FAM81A: variants seen among roughly 807,000 people sequenced by gnomAD.
FAM81A encodes family with sequence similarity 81 member A.
Under a neutral mutation model 46.7 loss-of-function variants are expected in FAM81A, and 19 were observed. The observed-to-expected ratio is 0.41, with a 90% CI of 0.28 to 0.60. FAM81A has a LOEUF of 0.60. Ranked by LOEUF, FAM81A falls within the 20% of genes least tolerant of loss-of-function variation. The probability of loss-of-function intolerance (pLI) is 0.34; values close to 1 mark genes in which losing one functional copy is unlikely to be tolerated. For missense variants in FAM81A, 377 were observed against 453.5 expected (o/e 0.83, Z 1.53); for synonymous variants, 183 against 152.9 (o/e 1.20, Z -1.45).
chr15:59,502,873 C>G (rs901422401), intron 4 of FAM81A, among the ~76,000 whole-genome samples: 1 of 151,998 alleles, frequency 6.6e-6, no homozygotes, highest in African/African-American at 2.4e-5. Flanking sequence ...CTCTGTGTCC[C>G]CTGCCCAGCC....
intron 1 of FAM81A, among the ~76,000 whole-genome samples, chr15:59,452,463 A>G (rs1165382006): frequency 6.6e-6 from 1 of 152,182 alleles, no homozygotes; most frequent in Admixed American, 6.5e-5. Context: ...CCTGGGCAAT[A>G]TAGTAAGACC....
intron 2 of FAM81A, among the ~76,000 whole-genome samples, chr15:59,406,451 A>G (rs2081095195): frequency 6.6e-6 from 1 of 152,202 alleles, no homozygotes; most frequent in African/African-American, 2.4e-5. Flanking sequence ...TATTTGGCAT[A>G]CCAATTTAAA....
intron 3 of FAM81A, among the ~76,000 whole-genome samples, chr15:59,491,298 A>T (rs1234189312): frequency 6.6e-6 from 1 of 152,172 alleles, no homozygotes; most frequent in Non-Finnish European, 1.5e-5. Context: ...TGTTAAGTGA[A>T]ATGAAATAAG....
At chr15:59,502,134 C>G (rs2082097752) in intron 4 of FAM81A, among the ~76,000 whole-genome samples, 1 of 150,666 alleles carries the variant, frequency 6.6e-6, no homozygotes, top group African/African-American at 2.4e-5. Context: ...AGAGTAAGAA[C>G]ATTATTTTTA....
At chr15:59,514,457 A>G in intron 7 of FAM81A, 33 bp downstream of exon 7, 1 of 1,605,522 alleles carries the variant, frequency 6.2e-7, no homozygotes, top group Non-Finnish European at 8.5e-7. Context: ...AATTTAGTAA[A>G]GTTATTCAGT....
chr15:59,437,934 C>G (rs947722009), upstream of FAM81A, among the ~76,000 whole-genome samples: 6 of 152,128 alleles, frequency 3.9e-5, no homozygotes, highest in Non-Finnish European at 7.4e-5. Flanking sequence ...ACAGCAGCGA[C>G]GAGCAGAGGC....
chr15:59,434,346 G>T (rs1162227110), upstream of FAM81A, among the ~76,000 whole-genome samples: 1 of 152,114 alleles, frequency 6.6e-6, no homozygotes, highest in Non-Finnish European at 1.5e-5. Context: ...GATCTCTATG[G>T]ATATTATTTC....
At chr15:59,427,451 A>G (rs1567040543) in intron 2 of FAM81A, among the ~76,000 whole-genome samples, 1 of 151,930 alleles carries the variant, frequency 6.6e-6, no homozygotes, top group Admixed American at 6.6e-5. Context: ...ATGATTATTG[A>G]CCTATTGATA....
chr15:59,464,557 C>G (rs2141657558), intron 3 of FAM81A, among the ~76,000 whole-genome samples: 1 of 152,138 alleles, frequency 6.6e-6, no homozygotes, highest in African/African-American at 2.4e-5. Flanking sequence ...TTTGCATTTC[C>G]CTGATAATTA....
chr15:59,456,075 G>A (rs1477105370), intron 1 of FAM81A, among the ~76,000 whole-genome samples: 2 of 152,140 alleles, frequency 1.3e-5, no homozygotes, highest in African/African-American at 4.8e-5. Context: ...AAAGAATAGA[G>A]CACAATAAAT....
intron 3 of FAM81A, among the ~76,000 whole-genome samples, chr15:59,482,801 T>C (rs2081870204): frequency 6.6e-6 from 1 of 152,232 alleles, no homozygotes; most frequent in Admixed American, 6.5e-5. Context: ...AGGTGTTACT[T>C]CCTATTAAGA....
chr15:59,509,006 GT>G, intron 6 of FAM81A, 37 bp downstream of exon 6: 2 of 1,520,246 alleles, frequency 1.3e-6, no homozygotes, highest in Non-Finnish European at 1.8e-6. Context: ...AAAACTTAAA[GT>G]TCTTTATGAG....
chr15:59,484,189 G>A (rs1463749863), intron 3 of FAM81A, among the ~76,000 whole-genome samples: 1 of 152,152 alleles, frequency 6.6e-6, no homozygotes, highest in African/African-American at 2.4e-5. Flanking sequence ...ATAGAAAACA[G>A]GTAGGCCTTG....
chr15:59,471,679 G>C (rs535381325), intron 3 of FAM81A, among the ~76,000 whole-genome samples: 1 of 150,246 alleles, frequency 6.7e-6, no homozygotes, highest in South Asian at 2.1e-4. Context: ...TTGTTGCCCA[G>C]CCTCTGCCTC....
At chr15:59,479,538 AAAAAGGAT>A (rs1475595241) in intron 3 of FAM81A, among the ~76,000 whole-genome samples, 277 of 150,902 alleles carry the variant, frequency 1.8e-3, no homozygotes, top group African/African-American at 6.4e-3. Flanking sequence ...AAAAAAAAAA[AAAAAGGAT>A]GGTAAGGGAA....
At position 59,459,173 on chromosome 15, in the gene FAM81A, T is replaced by A. The variant is rs950641929; in HGVS notation, c.20+527T>A. On this transcript the variant is annotated intron_variant, in intron 2 of 8. Transcript: ENST00000288228. ...CCATGCCCAGCTAATTTTTAAATAA[T>A]TTTTTTTGTAGAGATAGGGTCTCGT... Among the ~76,000 whole-genome samples the A allele has an allele frequency of 4.6e-5, 7 of 152,066 alleles. No homozygotes were observed. The South Asian group carries it at 8.3e-4, about 18-fold the overall frequency.
intron 3 of FAM81A, among the ~76,000 whole-genome samples, chr15:59,477,773 C>G (rs1341275956): frequency 2.6e-5 from 4 of 152,170 alleles, no homozygotes; most frequent in Non-Finnish European, 5.9e-5. Context: ...ATACCAGTGT[C>G]AAAACAGATG....
intron 4 of FAM81A, among the ~76,000 whole-genome samples, chr15:59,499,658 A>C (rs1355027194): frequency 2.0e-5 from 3 of 152,158 alleles, no homozygotes; most frequent in Non-Finnish European, 4.4e-5. Flanking sequence ...TTTTTTGAAA[A>C]GTAGTAAGAT....
intron 2 of FAM81A, among the ~76,000 whole-genome samples, chr15:59,413,417 AACACACACACAC>A (rs535000983): frequency 0.022 from 2,998 of 134,482 alleles, 59 homozygotes; most frequent in African/African-American, 0.048. Flanking sequence ...GAGAGCATTA[AACACACACACAC>A]ACACACACAC....
Sources: gnomAD v4.1 joint callset for allele counts (sites outside exome capture counted in the v4.1 genomes callset) on GRCh38, gnomAD v4.1.1 for gene constraint, MANE v1.5 for transcripts, NCBI Gene and HGNC (gene_info 2026-07-23, HGNC 2026-07-21) for gene names.